Variants in TMEM132D observed in about 807,000 individuals in gnomAD.
TMEM132D encodes the protein transmembrane protein 132D.
In TMEM132D, 21 loss-of-function variants were observed where a neutral mutation model predicts 62.3. That is an observed-to-expected ratio of 0.34 (90% CI 0.24 to 0.49). TMEM132D has a LOEUF of 0.49. Among genes scored for constraint, TMEM132D ranks in the 20% least tolerant of loss-of-function variants. TMEM132D has a pLI of 0.99. For missense variants in TMEM132D, 1,346 were observed against 1,402.8 expected (o/e 0.96, Z 0.65); for synonymous variants, 621 against 575.6 (o/e 1.08, Z -1.13).
At chr12:129,287,034 T>C (rs529886316) in intron 4 of TMEM132D, among the ~76,000 whole-genome samples, 39 of 143,372 alleles carry the variant, frequency 2.7e-4, no homozygotes, top group African/African-American at 9.0e-4. Context: ...GGCAACAGAG[T>C]GAGACTCTGT....
chr12:129,120,060 C>T (rs1342894556), intron 5 of TMEM132D, among the ~76,000 whole-genome samples: 1 of 151,862 alleles, frequency 6.6e-6, no homozygotes, highest in Non-Finnish European at 1.5e-5. Flanking sequence ...ATGGCTGGAG[C>T]CAAAGTGAAA....
At chr12:129,513,313 A>C (rs1243951976) in intron 3 of TMEM132D, among the ~76,000 whole-genome samples, 1 of 152,080 alleles carries the variant, frequency 6.6e-6, no homozygotes, top group Non-Finnish European at 1.5e-5. Flanking sequence ...TGAGGGTGAG[A>C]GCTTACTACC....
chr12:129,253,097 C>T (rs763289870), intron 4 of TMEM132D, among the ~76,000 whole-genome samples: 560 of 150,712 alleles, frequency 3.7e-3, no homozygotes, highest in Non-Finnish European at 6.5e-3. Flanking sequence ...TGCTAAATGA[C>T]GAGTTAATGG....
Position 129,378,913 on chromosome 12 carries a change from C to T in TMEM132D, c.1116-41096G>A, listed in dbSNP as rs530708126. On this transcript the variant is annotated intron_variant, in intron 3 of 8. Coordinates refer to ENST00000422113, the MANE Select transcript of TMEM132D (RefSeq NM_133448.3). ...GAAAATAACAAATGCAATGTCTCGGCGTTCTTTTCAACCACAATGTGCCTG... is the reference window on the plus strand; with the variant it reads ...GAAAATAACAAATGCAATGTCTCGGTGTTCTTTTCAACCACAATGTGCCTG... Among the ~76,000 whole-genome samples the T allele has an allele frequency of 5.3e-5, 8 of 152,198 alleles. No homozygotes were observed. In the East Asian group the frequency reaches 1.2e-3, roughly 22 times the overall value.
At chr12:129,623,372 A>G (rs1879123517) in intron 2 of TMEM132D, among the ~76,000 whole-genome samples, 2 of 152,060 alleles carry the variant, frequency 1.3e-5, no homozygotes, top group African/African-American at 4.8e-5. Flanking sequence ...CTTTCACTGG[A>G]CCTGTCACCC....
At chr12:129,466,244 G>T (rs1348600926) in intron 3 of TMEM132D, among the ~76,000 whole-genome samples, 4 of 147,982 alleles carry the variant, frequency 2.7e-5, no homozygotes, top group Non-Finnish European at 5.9e-5. Flanking sequence ...GGTGTTACAC[G>T]GAGAACTGGT....
At position 129,237,790 on chromosome 12, in the gene TMEM132D, C is replaced by G. The variant is rs1168906857; in HGVS notation, c.1300-28127G>C. Among the ~76,000 whole-genome samples the G allele has an allele frequency of 2.6e-5, 4 of 152,090 alleles. No homozygotes were observed. In the East Asian group the frequency reaches 7.7e-4, roughly 29 times the overall value. ...GTTCGGGAGTTTGAGACCAGCCTGG[C>G]CAACATGGTGAAACCCTGTCTCTAC... is the stretch of plus-strand genomic sequence containing the variant. On this transcript the variant is annotated intron_variant, in intron 4 of 8. Transcript: ENST00000422113.
chr12:129,649,511 AATT>A, intron 2 of TMEM132D, among the ~76,000 whole-genome samples: 1 of 152,194 alleles, frequency 6.6e-6, no homozygotes, highest in East Asian at 1.9e-4. Flanking sequence ...TTTGCAAAAT[AATT>A]ATGATAACTA....
chr12:129,408,635 T>C (rs1017929533), intron 3 of TMEM132D, among the ~76,000 whole-genome samples: 3 of 151,536 alleles, frequency 2.0e-5, no homozygotes, highest in Non-Finnish European at 2.9e-5. Flanking sequence ...AAAAAAAAAA[T>C]GCTCCAAGTC....
At chr12:129,593,262 T>C (rs963357395) in intron 2 of TMEM132D, among the ~76,000 whole-genome samples, 2 of 152,230 alleles carry the variant, frequency 1.3e-5, no homozygotes, top group African/African-American at 2.4e-5. Context: ...GTTTTCTTCC[T>C]AGCACCATCA....
intron 3 of TMEM132D, among the ~76,000 whole-genome samples, chr12:129,341,062 T>C (rs1447797803): frequency 6.6e-6 from 1 of 152,216 alleles, no homozygotes; most frequent in African/African-American, 2.4e-5. Flanking sequence ...AGTGTGACAG[T>C]GGGAATTTGA....
chr12:129,425,894 G>A (rs1385054379), intron 3 of TMEM132D, among the ~76,000 whole-genome samples: 1 of 152,206 alleles, frequency 6.6e-6, no homozygotes, highest in African/African-American at 2.4e-5. Flanking sequence ...GGAGCAACGA[G>A]CCAACATGGA....
intron 2 of TMEM132D, among the ~76,000 whole-genome samples, chr12:129,644,291 G>A (rs534282420): frequency 4.6e-5 from 7 of 152,110 alleles, no homozygotes; most frequent in Non-Finnish European, 7.3e-5. Context: ...AATTAACTAC[G>A]ACATGTCTCA....
chr12:129,087,973 A>C (rs868767688), intron 5 of TMEM132D, among the ~76,000 whole-genome samples: 80 of 32,638 alleles, frequency 2.5e-3, no homozygotes, highest in East Asian at 6.2e-3. Flanking sequence ...GGTGTCCTCC[A>C]TGACCGGGTG....
Position 129,700,108 on chromosome 12 carries a change from C to T in TMEM132D, c.670G>A (p.Val224Met), listed in dbSNP as rs781773967. The change falls in exon 2 of 9, where the codon GTG becomes ATG. Residue 224 changes from valine (V) to methionine (M), a missense_variant. Coordinates refer to ENST00000422113, the MANE Select transcript of TMEM132D (RefSeq NM_133448.3). ...GGGTGCACGGTGTAGTAGAGCTCCACGGGGGTCCCCTCCGGCTGGTCCACG... is the reference window on the plus strand; with the variant it reads ...GGGTGCACGGTGTAGTAGAGCTCCATGGGGGTCCCCTCCGGCTGGTCCACG... ...KSVDQPEGTP[V>M]ELYYTVHPGG... 3.7e-6 allele frequency: 6 copies of T among 1,613,440 alleles called. No individual in the cohort carries two copies. Among genetic ancestry groups the T allele is most frequent in the Admixed American group, 3.3e-5 (2 of 60,018 alleles).
At chr12:129,803,840 A>G (rs1352365789) in intron 1 of TMEM132D, among the ~76,000 whole-genome samples, 1,929 of 148,858 alleles carry the variant, frequency 0.013, 17 homozygotes, top group Non-Finnish European at 0.02. Flanking sequence ...AGATGCAATA[A>G]AAAATGATAA....
chr12:129,405,572 G>A (rs1383299541), intron 3 of TMEM132D, among the ~76,000 whole-genome samples: 2 of 152,158 alleles, frequency 1.3e-5, no homozygotes, highest in African/African-American at 4.8e-5. Flanking sequence ...CCCACTGCAG[G>A]TGCTGTAGTG....
chr12:129,242,418 A>C (rs924295138), intron 4 of TMEM132D, among the ~76,000 whole-genome samples: 2 of 152,224 alleles, frequency 1.3e-5, no homozygotes, highest in African/African-American at 2.4e-5. Context: ...TTTTCTTGAT[A>C]ATTATATATT....
chr12:129,245,087 T>A lies in TMEM132D; in HGVS notation c.1300-35424A>T, dbSNP rs571350070. Among the ~76,000 whole-genome samples the A allele has an allele frequency of 2.4e-3, 370 of 152,324 alleles. 1 individual carries two copies. Among genetic ancestry groups the A allele is most frequent in the African/African-American group, 8.2e-3 (340 of 41,570 alleles). The stretch of plus-strand genomic sequence containing the variant: ...ATTACTAATAACTAGAGTCCATAGT[T>A]TGTATTAAGGTTCACTCTTTGTAGT... On this transcript the variant is annotated intron_variant, in intron 4 of 8. Transcript: ENST00000422113.
Sources: allele counts gnomAD v4.1 joint callset (sites outside exome capture counted in the v4.1 genomes callset), GRCh38; gene constraint gnomAD v4.1.1; transcripts MANE v1.5; gene names NCBI Gene and HGNC (gene_info 2026-07-23, HGNC 2026-07-21).